CCDC170: variants seen among roughly 807,000 people sequenced by gnomAD.
CCDC170 encodes coiled-coil domain-containing protein 170.
CCDC170 carries 69 observed loss-of-function variants against 72.6 expected under a neutral mutation model. The observed-to-expected ratio is 0.95, with a 90% CI of 0.78 to 1.16. The LOEUF (loss-of-function observed/expected upper bound fraction) is 1.16. CCDC170 is among the 50% of genes most tolerant of loss of function. The pLI is 0.00. For missense variants in CCDC170, 852 were observed against 832.5 expected (o/e 1.02, Z -0.29); for synonymous variants, 300 against 303.9 (o/e 0.99, Z 0.13).
intron 5 of CCDC170, among the ~76,000 whole-genome samples, chr6:151,567,135 T>A (rs1338801065): frequency 6.6e-6 from 1 of 152,140 alleles, no homozygotes; most frequent in Non-Finnish European, 1.5e-5. Flanking sequence ...GTCAGGCTGA[T>A]CTTGAACTCC....
chr6:151,573,878 G>C (rs1776265255), intron 6 of CCDC170, among the ~76,000 whole-genome samples: 1 of 152,206 alleles, frequency 6.6e-6, no homozygotes. Flanking sequence ...GATGATGGGA[G>C]CTACAATTCA....
chr6:151,592,747 C>T (rs1277406621), intron 7 of CCDC170, among the ~76,000 whole-genome samples: 1 of 152,124 alleles, frequency 6.6e-6, no homozygotes, highest in Non-Finnish European at 1.5e-5. Context: ...ATCCCAGGGG[C>T]TAGATTAGCC....
chr6:151,500,685 G>T (rs1781981717), intron 1 of CCDC170, among the ~76,000 whole-genome samples: 1 of 152,082 alleles, frequency 6.6e-6, no homozygotes, highest in Non-Finnish European at 1.5e-5. Context: ...TAGTGGTAAA[G>T]AGAGTCACTA....
chr6:151,543,449 T>C (rs1459543965), intron 3 of CCDC170, among the ~76,000 whole-genome samples: 1 of 152,174 alleles, frequency 6.6e-6, no homozygotes, highest in African/African-American at 2.4e-5. Flanking sequence ...TCTTTTTTTG[T>C]GTGTGAACAT....
At chr6:151,560,709 G>T (rs1168582042) in intron 5 of CCDC170, among the ~76,000 whole-genome samples, 1 of 152,094 alleles carries the variant, frequency 6.6e-6, no homozygotes. Flanking sequence ...TTATCATCAT[G>T]TAGTTCTTTT....
At chr6:151,501,098 TA>T (rs1781988322) in intron 1 of CCDC170, among the ~76,000 whole-genome samples, 1 of 152,168 alleles carries the variant, frequency 6.6e-6, no homozygotes, top group African/African-American at 2.4e-5. Context: ...GGAAGTGAAT[TA>T]GATGAGTAAT....
intron 9 of CCDC170, among the ~76,000 whole-genome samples, chr6:151,597,499 T>C (rs748960483): frequency 2.2e-4 from 34 of 152,342 alleles, no homozygotes; most frequent in Non-Finnish European, 3.2e-4. Flanking sequence ...CTATTAGTGA[T>C]GATGCAGGGA....
At chr6:151,578,193 C>T (rs1320644191) in intron 6 of CCDC170, among the ~76,000 whole-genome samples, 1 of 152,204 alleles carries the variant, frequency 6.6e-6, no homozygotes, top group Non-Finnish European at 1.5e-5. Context: ...GAAGTTTCAG[C>T]TTTTCCAGCC....
At chr6:151,602,318 A>G (rs77092881) in intron 9 of CCDC170, among the ~76,000 whole-genome samples, 8,732 of 152,314 alleles carry the variant, frequency 0.057, 307 homozygotes, top group South Asian at 0.096. Context: ...TATTTACAAT[A>G]TACAAACTTA....
intron 1 of CCDC170, among the ~76,000 whole-genome samples, chr6:151,533,202 C>G (rs34456436): frequency 6.6e-6 from 1 of 151,326 alleles, no homozygotes; most frequent in Non-Finnish European, 1.5e-5. Context: ...TACAGGCGCC[C>G]GCCACCACAC....
In CCDC170 at chr6:151,577,688, A is replaced by G. The variant is rs571096465; in HGVS notation, c.1092+4197A>G. On this transcript the variant is annotated intron_variant, in intron 6 of 10. Coordinates refer to ENST00000239374, the MANE Select transcript of CCDC170 (RefSeq NM_025059.4). ...AACCCTCTGGCTGCGCACCCGCACCAGTGCCTGGCCTAGTAGGAAATGGGC... is the reference window on the plus strand; with the variant it reads ...AACCCTCTGGCTGCGCACCCGCACCGGTGCCTGGCCTAGTAGGAAATGGGC... 4.6e-5 allele frequency among the ~76,000 whole-genome samples: 7 copies of G among 152,306 alleles called. No individual in the cohort carries two copies. The South Asian group carries it at 1.4e-3, about 32-fold the overall frequency.
intron 5 of CCDC170, 116 bp downstream of exon 5, chr6:151,548,605 C>A: frequency 1.1e-6 from 1 of 931,688 alleles, no homozygotes; most frequent in Non-Finnish European, 1.5e-6. Flanking sequence ...TTTTATTGAT[C>A]ACAATTTTAA....
intron 1 of CCDC170, among the ~76,000 whole-genome samples, chr6:151,524,116 A>ACCT (rs1782366742): frequency 6.6e-6 from 1 of 151,990 alleles, no homozygotes. Flanking sequence ...CTCCACCCTG[A>ACCT]CCTCCTAGTG....
At chr6:151,588,748 C>A (rs903653848) in intron 7 of CCDC170, among the ~76,000 whole-genome samples, 24 of 152,158 alleles carry the variant, frequency 1.6e-4, no homozygotes, top group African/African-American at 5.8e-4. Context: ...CAAGACCAGC[C>A]TGGGCAACAT....
chr6:151,567,198 C>T (rs757299881), intron 5 of CCDC170, among the ~76,000 whole-genome samples: 9 of 151,954 alleles, frequency 5.9e-5, no homozygotes, highest in African/African-American at 9.7e-5. Context: ...GGATTACAGG[C>T]GTGAGTCACC....
At chr6:151,531,185 GAGA>G (rs1238313074) in intron 1 of CCDC170, among the ~76,000 whole-genome samples, 1 of 152,168 alleles carries the variant, frequency 6.6e-6, no homozygotes, top group Non-Finnish European at 1.5e-5. Flanking sequence ...GGACCTTTGG[GAGA>G]AGATGATTAG....
rs768732806 is a variant in CCDC170 at position 151,544,684 on chromosome 6, G to T, written c.556G>T (p.Asp186Tyr). ...RDCLDPDERN[D>Y]KASDEDLILK... ...CTGCTTGGATCCAGATGAGAGGAATGACAAGGCATCAGATGAAGATTTAAT... is the reference window on the plus strand; with the variant it reads ...CTGCTTGGATCCAGATGAGAGGAATTACAAGGCATCAGATGAAGATTTAAT... The change falls in exon 4 of 11, where the codon GAC becomes TAC. Residue 186 changes from aspartate (D) to tyrosine (Y), a missense_variant. Transcript: ENST00000239374. The T allele has an allele frequency of 6.2e-7, 1 of 1,612,600 alleles. No homozygotes were observed. Among genetic ancestry groups the T allele is most frequent in the Non-Finnish European group, 8.5e-7 (1 of 1,178,828 alleles).
intron 1 of CCDC170, among the ~76,000 whole-genome samples, chr6:151,515,753 C>T (rs908087384): frequency 3.9e-5 from 6 of 152,180 alleles, no homozygotes; most frequent in Non-Finnish European, 7.3e-5. Context: ...CAAGAGACAG[C>T]TTTGCAGGAC....
At chr6:151,543,468 C>G (rs1227257368) in intron 3 of CCDC170, among the ~76,000 whole-genome samples, 1 of 152,004 alleles carries the variant, frequency 6.6e-6, no homozygotes, top group African/African-American at 2.4e-5. Flanking sequence ...ATTCAAAATC[C>G]TCTCTGCTAG....
Sources: allele counts gnomAD v4.1 joint callset (sites outside exome capture counted in the v4.1 genomes callset), GRCh38; gene constraint gnomAD v4.1.1; transcripts MANE v1.5; gene names NCBI Gene and HGNC (gene_info 2026-07-23, HGNC 2026-07-21).